Variants in VWC2 observed in about 807,000 individuals in gnomAD.
VWC2 encodes the protein von Willebrand factor C domain containing 2, also known as brorin.
Under a neutral mutation model 29.8 loss-of-function variants are expected in VWC2, and 14 were observed. That is an observed-to-expected ratio of 0.47 (90% CI 0.31 to 0.74). The LOEUF (loss-of-function observed/expected upper bound fraction) is 0.74, where lower values mean the gene tolerates loss of function less well. Ranked by LOEUF, VWC2 falls within the 30% of genes least tolerant of loss-of-function variation. The pLI is 0.05. For synonymous variants in VWC2, 213 were observed against 199.0 expected (o/e 1.07, Z -0.59); for missense variants, 457 against 459.8 (o/e 0.99, Z 0.05).
intron 3 of VWC2, among the ~76,000 whole-genome samples, chr7:49,837,191 A>C (rs1245429307): frequency 6.6e-6 from 1 of 152,252 alleles, no homozygotes; most frequent in East Asian, 1.9e-4. Context: ...AAGAATTGCA[A>C]CTGTGATATT....
chr7:49,868,006 G>A (rs2128722324), intron 3 of VWC2, among the ~76,000 whole-genome samples: 1 of 151,934 alleles, frequency 6.6e-6, no homozygotes, highest in South Asian at 2.1e-4. Context: ...ACTAATTTTT[G>A]TATTTTTAGT....
intron 2 of VWC2, among the ~76,000 whole-genome samples, chr7:49,785,025 T>C (rs909219495): frequency 6.6e-6 from 1 of 152,200 alleles, no homozygotes; most frequent in Non-Finnish European, 1.5e-5. Context: ...AAGAAAATGC[T>C]GGAATAAAGT....
intron 3 of VWC2, among the ~76,000 whole-genome samples, chr7:49,886,024 G>A (rs1010959131): frequency 6.6e-6 from 1 of 152,222 alleles, no homozygotes; most frequent in African/African-American, 2.4e-5. Flanking sequence ...GTTGGACATC[G>A]GAGTGGAGAG....
At position 49,877,484 on chromosome 7, in the gene VWC2, ATATATAT is replaced by A. The variant is rs1791480349; in HGVS notation, c.827-34549_827-34543del. ...TCTCAAAAAAAAAAAAAAAAAAAAT[ATATATAT>A]ATATATATATATATATATATATATA... On this transcript the variant is annotated intron_variant, in intron 3 of 3. Transcript: ENST00000340652. Among the ~76,000 whole-genome samples, 30 of 26,572 alleles carry A rather than the reference ATATATAT, an allele frequency of 1.1e-3. 2 individuals carry two copies. The highest frequency in any genetic ancestry group is 2.2e-3 in the Admixed American group (4 of 1,850). The allele number at this position is 26,572 out of a possible 152,430, so 17.4% of individuals were successfully genotyped here.
chr7:49,835,813 T>G (rs1789643276), intron 3 of VWC2, among the ~76,000 whole-genome samples: 1 of 152,234 alleles, frequency 6.6e-6, no homozygotes, highest in Non-Finnish European at 1.5e-5. Flanking sequence ...TATAAACTAT[T>G]GGCATTAGCT....
chr7:49,908,387 G>T (rs1467896277), intron 3 of VWC2, among the ~76,000 whole-genome samples: 1 of 152,096 alleles, frequency 6.6e-6, no homozygotes, highest in Non-Finnish European at 1.5e-5. Context: ...TTGGTTTACA[G>T]GTCTTAGTGT....
At chr7:49,800,394 A>C (rs1430364876) in intron 2 of VWC2, among the ~76,000 whole-genome samples, 1 of 152,126 alleles carries the variant, frequency 6.6e-6, no homozygotes, top group South Asian at 2.1e-4. Context: ...GCCTTCTTTT[A>C]AATTCCCAAA....
chr7:49,833,466 G>A (rs1562722943), intron 3 of VWC2, among the ~76,000 whole-genome samples: 1 of 152,200 alleles, frequency 6.6e-6, no homozygotes, highest in Non-Finnish European at 1.5e-5. Flanking sequence ...AAACAAGGAA[G>A]TGGGAGAACA....
Position 49,916,008 on chromosome 7 carries a change from A to G in VWC2, c.*3823A>G, listed in dbSNP as rs1793702855. 3 of 152,194 alleles carry G rather than the reference A, an allele frequency of 2.0e-5. No homozygotes were observed. The highest frequency in any genetic ancestry group is 6.5e-5 in the Admixed American group (1 of 15,276). The allele number at this position is 152,194 out of a possible 1,614,324, so 9.4% of individuals were successfully genotyped here. On this transcript the variant is annotated 3_prime_UTR_variant, in exon 4 of 4. Coordinates refer to ENST00000340652, the MANE Select transcript of VWC2 (RefSeq NM_198570.5). ...CAGATTAAGAGAGAACAATTTACTT[A>G]TTCAGGAATAAGTGCATTTTTACAG... is the stretch of plus-strand genomic sequence containing the variant.
intron 3 of VWC2, among the ~76,000 whole-genome samples, chr7:49,879,877 G>C (rs936979378): frequency 3.3e-5 from 5 of 151,934 alleles, no homozygotes; most frequent in Admixed American, 6.6e-5. Flanking sequence ...AAAGTTATTT[G>C]GTTTTCTGGG....
chr7:49,849,436 A>G (rs1164262497), intron 3 of VWC2, among the ~76,000 whole-genome samples: 1 of 152,162 alleles, frequency 6.6e-6, no homozygotes, highest in African/African-American at 2.4e-5. Context: ...CTCTGCTGGG[A>G]GCAGACTGTC....
At chr7:49,849,809 G>A (rs1028840080) in intron 3 of VWC2, among the ~76,000 whole-genome samples, 2 of 151,960 alleles carry the variant, frequency 1.3e-5, no homozygotes, top group Non-Finnish European at 2.9e-5. Context: ...ACCAAGTCTT[G>A]GGGTAGAATC....
chr7:49,859,790 G>A (rs983351887), intron 3 of VWC2, among the ~76,000 whole-genome samples: 2 of 12,024 alleles, frequency 1.7e-4, no homozygotes, highest in African/African-American at 6.3e-4. Context: ...GCGCGTGCGT[G>A]CACACACACA....
At chr7:49,859,343 A>G (rs1021099246) in intron 3 of VWC2, among the ~76,000 whole-genome samples, 5 of 152,176 alleles carry the variant, frequency 3.3e-5, no homozygotes, top group Non-Finnish European at 5.9e-5. Flanking sequence ...GGTTTTTAAA[A>G]TCTTATCCTC....
At chr7:49,808,581 C>T (rs1672426296) in intron 3 of VWC2, among the ~76,000 whole-genome samples, 1 of 151,962 alleles carries the variant, frequency 6.6e-6, no homozygotes, top group Admixed American at 6.6e-5. Flanking sequence ...CTCATTTTTG[C>T]CAAGTGCAGG....
At position 49,864,119 on chromosome 7, in the gene VWC2, T is replaced by C. The variant is rs185538580; in HGVS notation, c.827-47915T>C. 2.4e-4 allele frequency among the ~76,000 whole-genome samples: 37 copies of C among 152,306 alleles called. 3 individuals carry two copies. The East Asian group carries it at 7.1e-3, about 29-fold the overall frequency. On this transcript the variant is annotated intron_variant, in intron 3 of 3. Transcript: ENST00000340652. ...GCGGGCTGTGATTGTTTGTCTGTTTTGTGACTTTTCTTAACTATTTTTCAG... is the reference window on the plus strand; with the variant it reads ...GCGGGCTGTGATTGTTTGTCTGTTTCGTGACTTTTCTTAACTATTTTTCAG...
intron 2 of VWC2, among the ~76,000 whole-genome samples, chr7:49,791,183 G>T (rs1274893351): frequency 6.6e-6 from 1 of 152,178 alleles, no homozygotes; most frequent in African/African-American, 2.4e-5. Context: ...CTGTATAAAT[G>T]GAAGGGACTT....
chr7:49,835,508 G>T (rs926016744), intron 3 of VWC2, among the ~76,000 whole-genome samples: 10 of 152,188 alleles, frequency 6.6e-5, no homozygotes, highest in African/African-American at 2.4e-4. Context: ...TCAGACAGCT[G>T]CAGTAAGGGA....
At chr7:49,882,192 A>G (rs1791696784) in intron 3 of VWC2, among the ~76,000 whole-genome samples, 1 of 152,188 alleles carries the variant, frequency 6.6e-6, no homozygotes, top group Non-Finnish European at 1.5e-5. Flanking sequence ...TTAAAAGAGA[A>G]CAAAACTAGT....
Sources: gnomAD v4.1 joint callset for allele counts (sites outside exome capture counted in the v4.1 genomes callset) on GRCh38, gnomAD v4.1.1 for gene constraint, MANE v1.5 for transcripts, NCBI Gene and HGNC (gene_info 2026-07-23, HGNC 2026-07-21) for gene names.